The following ZNF407 variants were observed in gnomAD, a reference collection of about 807,000 sequenced individuals.
ZNF407 encodes zinc finger protein 407.
A neutral mutation model predicts 131.2 loss-of-function variants in ZNF407; 17 were observed. The observed-to-expected ratio is 0.13, with a 90% CI of 0.09 to 0.19. ZNF407 has a LOEUF of 0.19. Among genes scored for constraint, ZNF407 ranks in the 10% least tolerant of loss-of-function variants. The probability of loss-of-function intolerance (pLI) is 1.00; values close to 1 mark genes in which losing one functional copy is unlikely to be tolerated. For synonymous variants in ZNF407, 1,156 were observed against 1,062.0 expected (o/e 1.09, Z -1.72); for missense variants, 2,681 against 2,830.6 (o/e 0.95, Z 1.20).
intron 3 of ZNF407, among the ~76,000 whole-genome samples, chr18:74,725,288 C>T (rs752092244): frequency 5.9e-5 from 9 of 152,112 alleles, no homozygotes; most frequent in Admixed American, 2.0e-4. Flanking sequence ...AGGCACACAC[C>T]GCCACACCTA....
chr18:75,056,474 T>C, intron 8 of ZNF407, among the ~76,000 whole-genome samples: 1 of 152,242 alleles, frequency 6.6e-6, no homozygotes. Context: ...ATTCATACTC[T>C]TTCTTTGATC....
intron 4 of ZNF407, among the ~76,000 whole-genome samples, chr18:74,850,312 C>G (rs371654007): frequency 2.3e-5 from 3 of 130,130 alleles, no homozygotes; most frequent in Non-Finnish European, 3.5e-5. Flanking sequence ...CCCAATTTTC[C>G]TCTTCTTTCC....
At chr18:74,736,362 A>G (rs1162863785) in intron 3 of ZNF407, among the ~76,000 whole-genome samples, 1 of 152,166 alleles carries the variant, frequency 6.6e-6, no homozygotes, top group Non-Finnish European at 1.5e-5. Flanking sequence ...CTAGCATTAT[A>G]ACTTTTGTCA....
chr18:74,951,748 T>C (rs1464836583), intron 8 of ZNF407, among the ~76,000 whole-genome samples: 2 of 152,336 alleles, frequency 1.3e-5, no homozygotes, highest in East Asian at 3.9e-4. Context: ...TGTGTGTTTT[T>C]TATGGGTATT....
At chr18:74,685,445 C>A (rs1967075560) in intron 3 of ZNF407, among the ~76,000 whole-genome samples, 1 of 152,212 alleles carries the variant, frequency 6.6e-6, no homozygotes, top group Admixed American at 6.5e-5. Context: ...GGCTGACCCT[C>A]TGTCCTCCCT....
intron 3 of ZNF407, among the ~76,000 whole-genome samples, chr18:74,760,817 G>A (rs925131498): frequency 6.6e-6 from 1 of 152,124 alleles, no homozygotes; most frequent in East Asian, 1.9e-4. Flanking sequence ...GGAGTCTTAC[G>A]AATCTAGGGA....
At chr18:74,992,343 G>A (rs1295149208) in intron 8 of ZNF407, among the ~76,000 whole-genome samples, 2 of 152,200 alleles carry the variant, frequency 1.3e-5, no homozygotes, top group Non-Finnish European at 2.9e-5. Flanking sequence ...GAGGAGACAG[G>A]CAGTTACCAT....
intron 4 of ZNF407, among the ~76,000 whole-genome samples, chr18:74,867,546 A>G (rs964144185): frequency 2.6e-5 from 4 of 152,182 alleles, no homozygotes; most frequent in Non-Finnish European, 5.9e-5. Context: ...CCAGACACTT[A>G]CTAGCTGCTT....
intron 8 of ZNF407, among the ~76,000 whole-genome samples, chr18:74,976,300 G>A (rs1302021525): frequency 2.0e-5 from 3 of 152,144 alleles, no homozygotes. Context: ...TTAAAGGGAT[G>A]AGTTTATGAG....
intron 4 of ZNF407, among the ~76,000 whole-genome samples, chr18:74,784,220 A>G (rs565190110): frequency 6.6e-6 from 1 of 152,218 alleles, no homozygotes; most frequent in Non-Finnish European, 1.5e-5. Context: ...TTTCTCCAGG[A>G]CAGTATAATC....
rs1407501546 is a variant in ZNF407, at chr18:74,866,285, T to A, written c.4878-10912T>A. On this transcript the variant is annotated intron_variant, in intron 4 of 8. Coordinates refer to ENST00000299687, the MANE Select transcript of ZNF407 (RefSeq NM_017757.3). ...GTAGTGTAACTGCGGCTCTTTGGACTAAGGTCTCTGAAAGGGTCAATTTTG... is the reference window on the plus strand; with the variant it reads ...GTAGTGTAACTGCGGCTCTTTGGACAAAGGTCTCTGAAAGGGTCAATTTTG... Among the ~76,000 whole-genome samples, 5 of 152,192 alleles carry A rather than the reference T, an allele frequency of 3.3e-5. 1 individual carries two copies. The highest frequency in any genetic ancestry group is 1.2e-4 in the African/African-American group (5 of 41,444).
intron 3 of ZNF407, among the ~76,000 whole-genome samples, chr18:74,763,070 C>T (rs1194584650): frequency 1.3e-5 from 2 of 151,942 alleles, no homozygotes; most frequent in Non-Finnish European, 2.9e-5. Flanking sequence ...TATTTTTCTA[C>T]GTAAACTTCC....
At chr18:74,846,179 C>T (rs1414549657) in intron 4 of ZNF407, among the ~76,000 whole-genome samples, 2 of 152,072 alleles carry the variant, frequency 1.3e-5, no homozygotes, top group East Asian at 3.8e-4. Flanking sequence ...CTTAGAATAG[C>T]ATTAAGAATA....
chr18:74,711,016 GTCCATTCTCCATGGATGCTATTATCAA>G (rs1329046561), intron 3 of ZNF407, among the ~76,000 whole-genome samples: 22 of 150,828 alleles, frequency 1.5e-4, no homozygotes, highest in Admixed American at 1.3e-3. Flanking sequence ...AATTCACTCT[GTCCATTCTCCATGGATGCTATTATCAA>G]TTCACTCTGT....
At chr18:74,847,859 A>AC (rs1970723563) in intron 4 of ZNF407, among the ~76,000 whole-genome samples, 1 of 152,018 alleles carries the variant, frequency 6.6e-6, no homozygotes, top group South Asian at 2.1e-4. Flanking sequence ...ATACAAAAAA[A>AC]AAAAAACACG....
At chr18:74,707,294 A>G (rs1967649545) in intron 3 of ZNF407, among the ~76,000 whole-genome samples, 1 of 152,118 alleles carries the variant, frequency 6.6e-6, no homozygotes, top group Non-Finnish European at 1.5e-5. Flanking sequence ...TACATGTCAA[A>G]GTGGGTTATC....
chr18:74,836,019 A>AC (rs1970554873), intron 4 of ZNF407, among the ~76,000 whole-genome samples: 1 of 152,128 alleles, frequency 6.6e-6, no homozygotes, highest in Non-Finnish European at 1.5e-5. Flanking sequence ...AAAAAAAAAA[A>AC]AAAAAGAGGC....
intron 7 of ZNF407, among the ~76,000 whole-genome samples, chr18:74,918,725 G>A (rs1358687718): frequency 6.6e-6 from 1 of 151,920 alleles, no homozygotes; most frequent in African/African-American, 2.4e-5. Context: ...TTTTAAAAAG[G>A]TGTTATTGTT....
At chr18:74,617,812 G>A (rs1345210739) in intron 1 of ZNF407, among the ~76,000 whole-genome samples, 1 of 152,192 alleles carries the variant, frequency 6.6e-6, no homozygotes, top group Non-Finnish European at 1.5e-5. Flanking sequence ...GTTATGGGGA[G>A]ATGCTTTAAC....
Sources: gnomAD v4.1 joint callset for allele counts (sites outside exome capture counted in the v4.1 genomes callset) on GRCh38, gnomAD v4.1.1 for gene constraint, MANE v1.5 for transcripts, NCBI Gene and HGNC (gene_info 2026-07-23, HGNC 2026-07-21) for gene names.